The following RAET1G variants were observed in gnomAD, a reference collection of about 807,000 sequenced individuals.
The protein encoded by RAET1G is UL-16 binding protein 5.
In RAET1G, 25 loss-of-function variants were observed where a neutral mutation model predicts 29.5. That is an observed-to-expected ratio of 0.85 (90% CI 0.62 to 1.18). The LOEUF (loss-of-function observed/expected upper bound fraction) is 1.18. Ranked by LOEUF, RAET1G falls within the 50% of genes most tolerant of loss-of-function variation. The pLI, the probability that RAET1G is intolerant of heterozygous loss-of-function variation, is 0.00. For missense variants in RAET1G, 434 were observed against 423.6 expected (o/e 1.02, Z -0.22); for synonymous variants, 167 against 159.5 (o/e 1.05, Z -0.36).
In RAET1G at chr6:149,918,336, G is replaced by T. The variant is rs200085848; in HGVS notation, c.680C>A (p.Thr227Asn). 64 of 1,614,136 alleles carry T rather than the reference G, an allele frequency of 4.0e-5. No individual in the cohort carries two copies. Among genetic ancestry groups the T allele is most frequent in the Admixed American group, 2.2e-4 (13 of 60,022 alleles). ...GAGGAGGCAGCAAAGGATGAGGGTG[G>T]TGGCCGTGGCCCTGGGTTGGGCTGT... ...SGTAQPRATA[T>N]TLILCCLLIM... is the part of the protein sequence containing the mutation. The change falls in exon 4 of 5, where the codon ACC (threonine) becomes AAC (asparagine). Residue 227 changes from threonine (T) to asparagine (N), a missense_variant. Thr to Asn is a moderately conservative substitution (Grantham distance 65). Transcript: ENST00000367360.
intron 1 of RAET1G, among the ~76,000 whole-genome samples, chr6:149,922,181 C>T (rs1369481068): frequency 6.6e-6 from 1 of 152,198 alleles, no homozygotes; most frequent in African/African-American, 2.4e-5. Flanking sequence ...TGGTGCTTCC[C>T]ATCCCCCCTG....
chr6:149,919,271 C>G lies in RAET1G; in HGVS notation c.403G>C (p.Gly135Arg). Residue 135 changes from glycine (G) to arginine (R), a missense_variant, in exon 3 of 5, where the codon GGC (glycine) becomes CGC (arginine). By Grantham distance (125) the Gly-to-Arg change is moderately radical. Coordinates refer to ENST00000367360, the MANE Select transcript of RAET1G (RefSeq NM_001001788.4). ...MSCEQKAEGHGSGSWQLSFDG... is the reference protein window; with the variant it reads ...MSCEQKAEGHRSGSWQLSFDG... ...AAACTGAGCTGCCAAGATCCACTGC[C>G]GTGTCCTTCGGCTTTCTGCTCACAA... is the stretch of plus-strand genomic sequence containing the variant. 1 of 1,614,196 alleles carries G rather than the reference C, an allele frequency of 6.2e-7. No individual in the cohort carries two copies. The highest frequency in any genetic ancestry group is 8.5e-7 in the Non-Finnish European group (1 of 1,180,026).
intron 1 of RAET1G, among the ~76,000 whole-genome samples, chr6:149,920,343 A>G (rs1562480119): frequency 1.3e-5 from 2 of 152,170 alleles, no homozygotes; most frequent in Admixed American, 1.3e-4. Context: ...CCTTCCTGAA[A>G]CCTTGGACAA....
At chr6:149,922,821 G>T in intron 1 of RAET1G, 105 bp downstream of exon 1, 2 of 745,106 alleles carry the variant, frequency 2.7e-6, no homozygotes, top group Non-Finnish European at 4.2e-6. Context: ...GCAGTCCGGG[G>T]TGATCGCACG....
chr6:149,917,096 C>G, intron 4 of RAET1G, 22 bp from the exon 5 acceptor site: 9 of 1,521,708 alleles, frequency 5.9e-6, no homozygotes, highest in Non-Finnish European at 7.9e-6. Flanking sequence ...AGAGAGAGGA[C>G]AGCTTACGTC....
At chr6:149,921,302 G>A (rs1378406142) in intron 1 of RAET1G, among the ~76,000 whole-genome samples, 1 of 152,204 alleles carries the variant, frequency 6.6e-6, no homozygotes, top group Non-Finnish European at 1.5e-5. Flanking sequence ...TCACAACATA[G>A]ATTCCATGTG....
rs1562481125 is a variant in RAET1G, at chr6:149,923,084, TGAATGCAGCCC to T, written c.-85_-75del. ...ATCACCTGGCGGCTCGCAGGCTGTC[TGAATGCAGCCC>T]GTCTGAATGCAGCCCTAAACTCCAG... On this transcript the variant is annotated 5_prime_UTR_variant, in exon 1 of 5. Coordinates refer to ENST00000367360, the MANE Select transcript of RAET1G (RefSeq NM_001001788.4). 6 of 763,712 alleles carry T rather than the reference TGAATGCAGCCC, an allele frequency of 7.9e-6. No individual in the cohort carries two copies. The highest frequency in any genetic ancestry group is 8.9e-6 in the Non-Finnish European group (5 of 560,110). 47.3% of individuals were successfully genotyped at this position (763,712 alleles called of 1,614,324 possible).
chr6:149,919,558 G>C lies in RAET1G; in HGVS notation c.344C>G (p.Pro115Arg). 2 of 1,613,942 alleles carry C rather than the reference G, an allele frequency of 1.2e-6. No individual in the cohort carries two copies. Among genetic ancestry groups the C allele is most frequent in the Non-Finnish European group, 1.7e-6 (2 of 1,179,872 alleles). ...CTGGGCCATCTGAAACTTACCCTTG[G>C]GTATGTAATTCTCCAGCTGAATGTC... Reference protein sequence around the residue: ...LLDIQLENYIPKEPLTLQARM... With the variant: ...LLDIQLENYIRKEPLTLQARM... The change falls in exon 2 of 5, where the codon CCC becomes CGC. Residue 115 changes from proline to arginine, a missense_variant. Transcript: ENST00000367360.
chr6:149,918,715 A>G, intron 3 of RAET1G: 1 of 598,102 alleles, frequency 1.7e-6, no homozygotes, highest in Admixed American at 3.0e-5. Flanking sequence ...GAAACAGACC[A>G]GAGGAGGAAA....
At position 149,919,555 on chromosome 6, in the gene RAET1G, T is replaced by A; in HGVS notation, c.347A>T (p.Lys116Met). The change falls in exon 2 of 5, where the codon AAG becomes ATG. Residue 116 changes from lysine (K) to methionine (M), a missense_variant and splice_region_variant. Coordinates refer to ENST00000367360, the MANE Select transcript of RAET1G (RefSeq NM_001001788.4). ...GTCCTGGGCCATCTGAAACTTACCC[T>A]TGGGTATGTAATTCTCCAGCTGAAT... ...LDIQLENYIP[K>M]EPLTLQARMS... The A allele has an allele frequency of 6.2e-7, 1 of 1,614,016 alleles. No individual in the cohort carries two copies. Among genetic ancestry groups the A allele is most frequent in the Non-Finnish European group, 8.5e-7 (1 of 1,179,870 alleles).
chr6:149,922,939 C>A lies in RAET1G; in HGVS notation c.72G>T (p.Arg24Ser), dbSNP rs1288844062. 1 of 1,597,666 alleles carries A rather than the reference C, an allele frequency of 6.3e-7. No individual in the cohort carries two copies. The highest frequency in any genetic ancestry group is 1.1e-5 in the South Asian group (1 of 87,754). The change falls in exon 1 of 5, where the codon AGG becomes AGT. Residue 24 changes from arginine (R) to serine (S), a missense_variant. Transcript: ENST00000367360. ...CCCCGAACTCACCGGCCAGCCCGGT[C>A]CTGCACCAGCTGGACAGCAGGAGCA... is the stretch of plus-strand genomic sequence containing the variant. ...PLLLLLSSWC[R>S]TGLADPHSLC...
chr6:149,919,310 G>T lies in RAET1G; in HGVS notation c.364C>A (p.Gln122Lys), dbSNP rs1489274471. The change falls in exon 3 of 5, where the codon CAG (glutamine) becomes AAG (lysine). Residue 122 changes from glutamine (Q) to lysine (K), a missense_variant. Physicochemically the swap from Gln to Lys is moderately conservative, Grantham distance 53. Coordinates refer to ENST00000367360, the MANE Select transcript of RAET1G (RefSeq NM_001001788.4). Reference protein sequence around the residue: ...NYIPKEPLTLQARMSCEQKAE... With the variant: ...NYIPKEPLTLKARMSCEQKAE... ...TTCTGCTCACAAGACATCCTGGCCT[G>T]CAGGGTGAGGGGTTCTGCCCCCATC... The T allele has an allele frequency of 3.1e-6, 5 of 1,613,758 alleles. No individual in the cohort carries two copies. The highest frequency in any genetic ancestry group is 4.2e-6 in the Non-Finnish European group (5 of 1,179,808).
chr6:149,919,675 G>T lies in RAET1G; in HGVS notation c.227C>A (p.Pro76His), dbSNP rs112005341. 6.8e-4 allele frequency: 1,095 copies of T among 1,613,654 alleles called. 4 individuals are homozygous for T. In the African/African-American group the frequency reaches 0.013, roughly 19 times the overall value. Residue 76 changes from proline (P) to histidine (H), a missense_variant, in exon 2 of 5, where the codon CCC becomes CAC. By Grantham distance (77) the Pro-to-His change is moderately conservative. Transcript: ENST00000367360. ...CGSKTVTPVS[P>H]LGKKLNVTTA... Reference sequence around the variant, plus strand: ...TGTGACATTTAGTTTCTTCCCCAGGGGACTGACGGGTGTGACTGTCTTGCT... The same window carrying T: ...TGTGACATTTAGTTTCTTCCCCAGGTGACTGACGGGTGTGACTGTCTTGCT...
intron 1 of RAET1G, among the ~76,000 whole-genome samples, chr6:149,922,091 A>G (rs1337141134): frequency 1.3e-5 from 2 of 152,146 alleles, no homozygotes; most frequent in African/African-American, 2.4e-5. Context: ...CCCCAGTAGG[A>G]AGAACAGGCA....
At chr6:149,919,957 C>T in intron 1 of RAET1G, 141 bp from the exon 2 acceptor site, 3 of 1,560,566 alleles carry the variant, frequency 1.9e-6, no homozygotes, top group Admixed American at 1.9e-5. Flanking sequence ...CTGTGGTGTC[C>T]ACAAGATTAA....
At chr6:149,919,897 G>A (rs1447511159) in intron 1 of RAET1G, 81 bp from the exon 2 acceptor site, 11 of 1,611,190 alleles carry the variant, frequency 6.8e-6, no homozygotes, top group Admixed American at 6.7e-5. Context: ...ACAATAAGAG[G>A]AAGCCTCTGG....
chr6:149,918,664 G>A, intron 3 of RAET1G: 1 of 589,956 alleles, frequency 1.7e-6, no homozygotes, highest in African/African-American at 1.9e-5. Flanking sequence ...GGAGGGGAGG[G>A]TCACGAGGCT....
At position 149,923,016 on chromosome 6, in the gene RAET1G, A is replaced by T. The variant is rs1582803294; in HGVS notation, c.-6T>A. 5 of 1,594,432 alleles carry T rather than the reference A, an allele frequency of 3.1e-6. No individual in the cohort carries two copies. In the African/African-American group the frequency reaches 6.7e-5, roughly 21 times the overall value. ...GGGCTGGCGGCCGCTGCCATTGGGG[A>T]GTTGGATCGCAGGGGACAGCAGAAG... On this transcript the variant is annotated 5_prime_UTR_variant, in exon 1 of 5. Transcript: ENST00000367360.
chr6:149,919,580 T>C lies in RAET1G; in HGVS notation c.322A>G (p.Ile108Val). Residue 108 changes from isoleucine (I) to valine (V), a missense_variant, in exon 2 of 5, where the codon ATT (isoleucine) becomes GTT (valine). Coordinates refer to ENST00000367360, the MANE Select transcript of RAET1G (RefSeq NM_001001788.4). ...VDILTEQLLDIQLENYIPKEP... is the reference protein window; with the variant it reads ...VDILTEQLLDVQLENYIPKEP... ...TTGGGTATGTAATTCTCCAGCTGAA[T>C]GTCAAGCAGTTGCTCTGTAAGTATG... 6.2e-7 allele frequency: 1 copy of C among 1,614,054 alleles called. No individual in the cohort carries two copies. The highest frequency in any genetic ancestry group is 1.7e-5 in the Admixed American group (1 of 60,018).
Sources: allele counts gnomAD v4.1 joint callset (sites outside exome capture counted in the v4.1 genomes callset), GRCh38; gene constraint gnomAD v4.1.1; transcripts MANE v1.5; gene names NCBI Gene and HGNC (gene_info 2026-07-23, HGNC 2026-07-21).